The following EYS variants were observed in gnomAD, a reference collection of about 807,000 sequenced individuals.
EYS encodes protein eyes shut homolog.
A neutral mutation model predicts 282.1 loss-of-function variants in EYS; 250 were observed. The observed-to-expected ratio is 0.89, with a 90% confidence interval of 0.80 to 0.98. The LOEUF (loss-of-function observed/expected upper bound fraction) is 0.98, where lower values mean the gene tolerates loss of function less well. EYS is among the 50% of genes least tolerant of loss of function. The pLI, the probability that EYS is intolerant of heterozygous loss-of-function variation, is 0.00. For synonymous variants in EYS, 1,355 were observed against 1,282.9 expected (o/e 1.06, Z -1.20); for missense variants, 4,016 against 3,709.0 (o/e 1.08, Z -2.15).
chr6:64,023,560 CT>C (rs1424699778), intron 33 of EYS, among the ~76,000 whole-genome samples: 1 of 152,184 alleles, frequency 6.6e-6, no homozygotes, highest in Admixed American at 6.5e-5. Context: ...TGTTATTTTT[CT>C]TTTTTTAAAT....
intron 13 of EYS, among the ~76,000 whole-genome samples, chr6:65,027,141 A>T (rs555411525): frequency 6.6e-6 from 1 of 152,248 alleles, no homozygotes; most frequent in East Asian, 1.9e-4. Context: ...CTCAGTAAGA[A>T]ACAAATTTAC....
At chr6:63,821,524 A>C (rs1217259894) in intron 36 of EYS, 3 of 152,352 alleles carry the variant, frequency 2.0e-5, no homozygotes, top group Non-Finnish European at 4.4e-5. Context: ...CTGCCTGGAA[A>C]GTCTAACAGG....
intron 26 of EYS, among the ~76,000 whole-genome samples, chr6:64,474,025 C>A (rs924334284): frequency 6.6e-6 from 1 of 152,076 alleles, no homozygotes; most frequent in Non-Finnish European, 1.5e-5. Context: ...TCTTATATCC[C>A]CATTTTTGTC....
chr6:65,428,506 C>T (rs1442884841), intron 5 of EYS, among the ~76,000 whole-genome samples: 1 of 145,176 alleles, frequency 6.9e-6, no homozygotes, highest in African/African-American at 2.5e-5. Flanking sequence ...TCATTAAACT[C>T]ATTTTTTTTT....
chr6:64,095,379 G>A (rs1488486962), intron 31 of EYS, among the ~76,000 whole-genome samples: 10 of 152,054 alleles, frequency 6.6e-5, no homozygotes, highest in Admixed American at 2.6e-4. Flanking sequence ...TTATTATTGT[G>A]TGGTAGTCTA....
chr6:65,207,376 T>C (rs140041030), intron 12 of EYS, among the ~76,000 whole-genome samples: 59 of 151,286 alleles, frequency 3.9e-4, no homozygotes, highest in African/African-American at 1.4e-3. Flanking sequence ...AAAAAAATTG[T>C]AGATGACACA....
chr6:63,966,130 C>T (rs375783296), intron 35 of EYS, among the ~76,000 whole-genome samples: 4 of 152,120 alleles, frequency 2.6e-5, no homozygotes, highest in Non-Finnish European at 5.9e-5. Context: ...CATCAATCAA[C>T]GAGTGGCTAA....
chr6:63,848,751 G>A (rs1772165597), intron 36 of EYS, among the ~76,000 whole-genome samples: 1 of 152,104 alleles, frequency 6.6e-6, no homozygotes, highest in Non-Finnish European at 1.5e-5. Flanking sequence ...CACAAAACTG[G>A]GCAGCTGTTT....
At chr6:64,794,300 T>C (rs1583165066) in intron 22 of EYS, among the ~76,000 whole-genome samples, 2 of 152,306 alleles carry the variant, frequency 1.3e-5, no homozygotes, top group South Asian at 2.1e-4. Context: ...ATGTCTGATA[T>C]GGTTTGGCTC....
At chr6:65,371,179 G>T (rs1198933772) in intron 8 of EYS, among the ~76,000 whole-genome samples, 3 of 151,686 alleles carry the variant, frequency 2.0e-5, no homozygotes, top group Admixed American at 6.7e-5. Flanking sequence ...CCTTTTTCTT[G>T]TCATTATTCC....
At chr6:64,096,466 C>T (rs1452422385) in intron 31 of EYS, among the ~76,000 whole-genome samples, 1 of 152,146 alleles carries the variant, frequency 6.6e-6, no homozygotes, top group Non-Finnish European at 1.5e-5. Flanking sequence ...ATTCTTTTTG[C>T]TCTAAACTTC....
intron 26 of EYS, among the ~76,000 whole-genome samples, chr6:64,505,324 T>G (rs1316048420): frequency 1.3e-5 from 2 of 152,224 alleles, no homozygotes; most frequent in African/African-American, 4.8e-5. Context: ...TATATTGATG[T>G]TAACTCTTTT....
At chr6:64,210,003 T>G (rs1765713099) in intron 31 of EYS, among the ~76,000 whole-genome samples, 1 of 152,194 alleles carries the variant, frequency 6.6e-6, no homozygotes, top group African/African-American at 2.4e-5. Context: ...TAATCTTCTG[T>G]CTCTTTATTT....
chr6:64,811,745 A>G (rs1391299382), intron 22 of EYS, among the ~76,000 whole-genome samples: 1 of 152,108 alleles, frequency 6.6e-6, no homozygotes, highest in Non-Finnish European at 1.5e-5. Context: ...ATGGTGCAGC[A>G]TGAAACCCTC....
intron 15 of EYS, among the ~76,000 whole-genome samples, chr6:64,944,974 T>C (rs1031001778): frequency 6.6e-6 from 1 of 151,500 alleles, no homozygotes; most frequent in Non-Finnish European, 1.5e-5. Context: ...TTGCTGACCT[T>C]CTCCTTATTA....
At position 64,475,423 on chromosome 6, in the gene EYS, C is replaced by T. The variant is rs1284422413; in HGVS notation, c.5645-36071G>A. 1.7e-5 allele frequency among the ~76,000 whole-genome samples: 2 copies of T among 119,050 alleles called. 1 individual carries two copies. The highest frequency in any genetic ancestry group is 1.7e-4 in the Admixed American group (2 of 11,776). The allele number at this position is 119,050 out of a possible 152,430, so 78.1% of individuals were successfully genotyped here. On this transcript the variant is annotated intron_variant, in intron 26 of 42. Transcript: ENST00000503581. ...AAAATTAGCCGGGCGTAGTGGCGGG[C>T]GCCTGTAGTCCCAGCTACTTGGGAG... is the stretch of plus-strand genomic sequence containing the variant.
At chr6:64,654,529 G>C (rs1029606775) in intron 22 of EYS, among the ~76,000 whole-genome samples, 1 of 152,164 alleles carries the variant, frequency 6.6e-6, no homozygotes, top group South Asian at 2.1e-4. Context: ...GAAGTTTTCC[G>C]ATTTGGCAGG....
chr6:63,890,348 G>T (rs1197269701), intron 35 of EYS, among the ~76,000 whole-genome samples: 1 of 152,168 alleles, frequency 6.6e-6, no homozygotes, highest in Non-Finnish European at 1.5e-5. Flanking sequence ...ATAATTGGAA[G>T]TAAAATACTC....
chr6:63,886,141 T>C (rs758518351), intron 35 of EYS, among the ~76,000 whole-genome samples: 11 of 152,208 alleles, frequency 7.2e-5, no homozygotes, highest in Non-Finnish European at 1.5e-4. Flanking sequence ...AATGTCTAAA[T>C]AATTTGTAAA....
Sources: allele counts gnomAD v4.1 joint callset (sites outside exome capture counted in the v4.1 genomes callset), GRCh38; gene constraint gnomAD v4.1.1; transcripts MANE v1.5; gene names NCBI Gene and HGNC (gene_info 2026-07-23, HGNC 2026-07-21).